The following REDIC1 variants were observed in gnomAD, a reference collection of about 807,000 sequenced individuals.
REDIC1 encodes the protein HEI10 Interacting Protein 1.
the REDIC1 span, among the ~76,000 whole-genome samples, chr12:39,905,157 G>T: frequency 6.6e-6 from 1 of 152,092 alleles, no homozygotes; most frequent in Non-Finnish European, 1.5e-5. Context: ...GTCCTACTGT[G>T]AACAACTAAG....
the REDIC1 span, chr12:39,755,424 G>A: frequency 6.6e-6 from 1 of 151,898 alleles, no homozygotes; most frequent in South Asian, 2.1e-4. Context: ...GTATACATTA[G>A]AGCTTCTAAA....
At chr12:39,647,991 A>G in the REDIC1 span, 1 of 1,439,248 alleles carries the variant, frequency 6.9e-7, no homozygotes, top group Admixed American at 2.5e-5. Context: ...CCTTTGAATC[A>G]TTAGTTCTTA....
the REDIC1 span, chr12:39,721,121 T>C: frequency 6.2e-7 from 1 of 1,613,638 alleles, no homozygotes; most frequent in Admixed American, 1.7e-5. Context: ...AAATTAGATG[T>C]TGCCATACAG....
chr12:39,755,470 T>C, the REDIC1 span: 3 of 152,246 alleles, frequency 2.0e-5, no homozygotes, highest in African/African-American at 7.2e-5. Flanking sequence ...TAAAAGATAC[T>C]TTAACATCAA....
At chr12:39,667,168 A>G in the REDIC1 span, among the ~76,000 whole-genome samples, 1 of 152,072 alleles carries the variant, frequency 6.6e-6, no homozygotes, top group Admixed American at 6.5e-5. Flanking sequence ...TAGGGTGTCA[A>G]TTTTAGATCT....
chr12:39,701,711 T>C, the REDIC1 span, among the ~76,000 whole-genome samples: 1 of 152,086 alleles, frequency 6.6e-6, no homozygotes. Flanking sequence ...TCAGCAAATG[T>C]AAAAGAACAG....
the REDIC1 span, among the ~76,000 whole-genome samples, chr12:39,775,662 G>T: frequency 4.6e-5 from 7 of 152,218 alleles, no homozygotes; most frequent in Non-Finnish European, 8.8e-5. Flanking sequence ...ATGTCACAAA[G>T]TTGGAGTGGG....
the REDIC1 span, among the ~76,000 whole-genome samples, chr12:39,714,084 C>CGCATGTATACGTGTATATGT: frequency 1.8e-5 from 1 of 56,612 alleles, no homozygotes; most frequent in Non-Finnish European, 3.9e-5. Flanking sequence ...TGTATATACA[C>CGCATGTATACGTGTATATGT]ATATATGTAC....
the REDIC1 span, among the ~76,000 whole-genome samples, chr12:39,792,558 A>C: frequency 6.6e-6 from 1 of 152,176 alleles, no homozygotes; most frequent in Non-Finnish European, 1.5e-5. Flanking sequence ...AATTCTAGAT[A>C]CTAAGCCTCT....
At chr12:39,668,815 C>T in the REDIC1 span, among the ~76,000 whole-genome samples, 1 of 151,936 alleles carries the variant, frequency 6.6e-6, no homozygotes, top group African/African-American at 2.4e-5. Flanking sequence ...GATCTTCCAT[C>T]ACCAACACCG....
the REDIC1 span, among the ~76,000 whole-genome samples, chr12:39,806,914 C>T: frequency 3.1e-3 from 470 of 152,230 alleles, 2 homozygotes; most frequent in African/African-American, 9.8e-3. Flanking sequence ...GATCAACTGA[C>T]ACATACAACA....
chr12:39,789,187 C>A, the REDIC1 span, among the ~76,000 whole-genome samples: 1 of 152,036 alleles, frequency 6.6e-6, no homozygotes, highest in Non-Finnish European at 1.5e-5. Context: ...GAGATAATTA[C>A]CATCATGAGT....
the REDIC1 span, among the ~76,000 whole-genome samples, chr12:39,694,996 G>T: frequency 6.6e-6 from 1 of 152,074 alleles, no homozygotes; most frequent in Non-Finnish European, 1.5e-5. Context: ...GACACTCCTT[G>T]GGTGAGAAGG....
chr12:39,666,934 G>T, the REDIC1 span, among the ~76,000 whole-genome samples: 2 of 151,982 alleles, frequency 1.3e-5, no homozygotes, highest in Non-Finnish European at 2.9e-5. Context: ...ATTTTTTATT[G>T]CATCTATTTG....
the REDIC1 span, among the ~76,000 whole-genome samples, chr12:39,637,639 A>G: frequency 2.0e-5 from 3 of 152,114 alleles, no homozygotes; most frequent in Non-Finnish European, 4.4e-5. Flanking sequence ...ACATTTGCAT[A>G]AAATCAAAGA....
chr12:39,714,308 T>TGC, the REDIC1 span, among the ~76,000 whole-genome samples: 2 of 149,650 alleles, frequency 1.3e-5, no homozygotes, highest in East Asian at 3.9e-4. Flanking sequence ...TATATGTATA[T>TGC]ACGTATATAC....
At chr12:39,700,199 T>G in the REDIC1 span, among the ~76,000 whole-genome samples, 3 of 151,910 alleles carry the variant, frequency 2.0e-5, no homozygotes, top group East Asian at 3.9e-4. Context: ...GAAAAAAAAC[T>G]TAGAAGAATG....
At chr12:39,859,991 T>G in the REDIC1 span, among the ~76,000 whole-genome samples, 1 of 152,338 alleles carries the variant, frequency 6.6e-6, no homozygotes, top group South Asian at 2.1e-4. Flanking sequence ...CAAGTCATCT[T>G]AACAGAAAAA....
the REDIC1 span, among the ~76,000 whole-genome samples, chr12:39,828,803 T>C: frequency 6.6e-6 from 1 of 152,128 alleles, no homozygotes; most frequent in African/African-American, 2.4e-5. Flanking sequence ...ATTAACTCAC[T>C]AACAAAATTT....
Sources: allele counts gnomAD v4.1 joint callset (sites outside exome capture counted in the v4.1 genomes callset), GRCh38; gene constraint gnomAD v4.1.1; transcripts MANE v1.5; gene names NCBI Gene and HGNC (gene_info 2026-07-23, HGNC 2026-07-21).